The following INTS1 variants were observed in gnomAD, a reference collection of about 807,000 sequenced individuals.
INTS1 encodes integrator complex subunit 1.
INTS1 carries 137 observed loss-of-function variants against 241.6 expected under a neutral mutation model. The ratio of observed to expected loss-of-function variants is 0.57; its 90% CI spans 0.49 to 0.65. The LOEUF (loss-of-function observed/expected upper bound fraction) is 0.65. Among genes scored for constraint, INTS1 ranks in the 30% least tolerant of loss-of-function variants. The pLI is 0.00. For missense variants in INTS1, 3,073 were observed against 3,032.2 expected (o/e 1.01, Z -0.32); for synonymous variants, 1,692 against 1,337.8 (o/e 1.26, Z -5.78).
chr7:1,486,764 TTC>T lies in INTS1; in HGVS notation c.2835_2836del (p.Lys946AlafsTer18). On this transcript the variant is annotated frameshift_variant, in exon 22 of 48. Coordinates refer to ENST00000404767, the MANE Select transcript of INTS1 (RefSeq NM_001080453.3). LOFTEE classifies it high-confidence loss of function. ...CAGGCGGCCCAGCAGCTGCCGCTGC[TTC>T]TGTTGCCTCTGCAGGGAGGAAGGGG... 12 of 1,612,384 alleles carry T rather than the reference TTC, an allele frequency of 7.4e-6. No individual in the cohort carries two copies. The highest frequency in any genetic ancestry group is 9.3e-6 in the Non-Finnish European group (11 of 1,179,728).
rs566842434 is a variant in INTS1 at position 1,476,033 on chromosome 7, A to G, written c.5417T>C (p.Leu1806Pro). ...GRRCRDLLLQLYLQRPELRVP... is the reference protein window; with the variant it reads ...GRRCRDLLLQPYLQRPELRVP... Reference sequence around the variant, plus strand: ...CCGCAGCTCCGGCCGCTGTAGGTAGAGCTGCAGGAGAAGGTCTCGGCAGCG... The same window carrying G: ...CCGCAGCTCCGGCCGCTGTAGGTAGGGCTGCAGGAGAAGGTCTCGGCAGCG... Residue 1806 changes from leucine (L) to proline (P), a missense_variant, in exon 39 of 48, where the codon CTC becomes CCC. Physicochemically the swap from Leu to Pro is moderately conservative, Grantham distance 98. Transcript: ENST00000404767. 2 of 1,545,768 alleles carry G rather than the reference A, an allele frequency of 1.3e-6. No individual in the cohort carries two copies. The highest frequency in any genetic ancestry group is 1.2e-5 in the South Asian group (1 of 84,026).
At position 1,493,068 on chromosome 7, in the gene INTS1, CG is replaced by C. The variant is rs771354686; in HGVS notation, c.2106del (p.Ile702MetfsTer5). ...EVLKVGRTQL[I>X]DAVLNLCTYH... is the part of the protein sequence containing the mutation. ...TAGGTGCACAGATTCAGAACGGCGT[CG>C]ATCAGCTGGGTCCTCCCCACCTTCA... On this transcript the variant is annotated frameshift_variant, in exon 16 of 48. Transcript: ENST00000404767. LOFTEE classifies it high-confidence loss of function. The surrounding 1 kb of genome is among the most constrained non-coding windows in gnomAD (Gnocchi z 5.3). 1 of 1,613,618 alleles carries C rather than the reference CG, an allele frequency of 6.2e-7. No individual in the cohort carries two copies. The highest frequency in any genetic ancestry group is 8.5e-7 in the Non-Finnish European group (1 of 1,179,674).
intron 16 of INTS1, among the ~76,000 whole-genome samples, chr7:1,490,858 A>G (rs7812196): frequency 0.54 from 81,589 of 151,874 alleles, 23,692 homozygotes; most frequent in African/African-American, 0.77. Context: ...CGGACAGAAC[A>G]GACGTGCAGA....
At position 1,482,609 on chromosome 7, in the gene INTS1, G is replaced by A; in HGVS notation, c.3640C>T (p.Leu1214=). The A allele has an allele frequency of 1.2e-6, 2 of 1,612,898 alleles. No homozygotes were observed. Among genetic ancestry groups the A allele is most frequent in the Non-Finnish European group, 1.7e-6 (2 of 1,179,880 alleles). ...CGCAGCTTCAGCCAGTCAGGAAGCA[G>A]CAGCGCCTCCTCCGATGTGTCCACC... The part of the protein sequence containing the change: ...FLVDTSEEAL[L]LPDWLKLRMI... The change falls in exon 27 of 48, where the codon CTG becomes TTG. Residue 1214 remains leucine, a synonymous_variant. Coordinates refer to ENST00000404767, the MANE Select transcript of INTS1 (RefSeq NM_001080453.3).
At chr7:1,488,696 C>A (rs946517068) in intron 18 of INTS1, among the ~76,000 whole-genome samples, 1 of 152,226 alleles carries the variant, frequency 6.6e-6, no homozygotes, top group Non-Finnish European at 1.5e-5. Context: ...CAGCCTCGGG[C>A]GCCCCTTCAC....
intron 35 of INTS1, 45 bp from the exon 36 acceptor site, chr7:1,476,963 G>A (rs759529152): frequency 1.3e-6 from 2 of 1,578,478 alleles, no homozygotes; most frequent in Non-Finnish European, 1.7e-6. Context: ...CTGGGCCAAT[G>A]GCAGGCTCTG....
chr7:1,482,867 G>C, intron 26 of INTS1, 160 bp from the exon 27 acceptor site: 1 of 778,000 alleles, frequency 1.3e-6, no homozygotes, highest in Non-Finnish European at 2.1e-6. Context: ...GCTATGTGCG[G>C]ATGCTTTGCG....
chr7:1,483,277 G>A lies in INTS1; in HGVS notation c.3541+465C>T, dbSNP rs1029104425. On this transcript the variant is annotated intron_variant, in intron 26 of 47. Transcript: ENST00000404767. ...TAAAGGGGAAGGCTGCGGCCGCAGA[G>A]GGCACGGCTGGGTAGGCGCTGGGTT... 9 of 249,524 alleles carry A rather than the reference G, an allele frequency of 3.6e-5. No homozygotes were observed. In the South Asian group the frequency reaches 4.7e-4, roughly 13 times the overall value. The allele number at this position is 249,524 out of a possible 1,614,324, so 15.5% of individuals were successfully genotyped here.
At position 1,502,971 on chromosome 7, in the gene INTS1, A is replaced by G. The variant is rs771681434; in HGVS notation, c.279T>C (p.Ala93=). The change falls in exon 3 of 48, where the codon GCT becomes GCC. Residue 93 remains alanine (A), a synonymous_variant. Transcript: ENST00000404767. ...CTCGTTTTTCTGCCACTGCAGCCTC[A>G]GCCAGGCGCCCCAGGGCACTCAGAG... ...TPPLSALGRL[A]EAAVAEKRAI... 6 of 1,613,748 alleles carry G rather than the reference A, an allele frequency of 3.7e-6. No individual in the cohort carries two copies. The highest frequency in any genetic ancestry group is 5.1e-6 in the Non-Finnish European group (6 of 1,179,862).
rs1276959585 is a variant in INTS1, at chr7:1,495,534, T to A, written c.1731A>T (p.Ser577=). 6.2e-7 allele frequency: 1 copy of A among 1,611,542 alleles called. No individual in the cohort carries two copies. The highest frequency in any genetic ancestry group is 8.5e-7 in the Non-Finnish European group (1 of 1,179,442). Reference sequence around the variant, plus strand: ...GGATGGCGGCAATCTGGTTCTGGAATGAGCGGAGCACTTCCAGGTCTGAAA... The same window carrying A: ...GGATGGCGGCAATCTGGTTCTGGAAAGAGCGGAGCACTTCCAGGTCTGAAA... ...GEKRNLEVLR[S]FQNQIAAIQR... is the part of the protein sequence containing the mutation. Residue 577 remains serine (S), a synonymous_variant, in exon 13 of 48, where the codon TCA becomes TCT. Coordinates refer to ENST00000404767, the MANE Select transcript of INTS1 (RefSeq NM_001080453.3).
Position 1,487,040 on chromosome 7 carries a change from T to A in INTS1, c.2708A>T (p.Asp903Val), listed in dbSNP as rs1419478319. Residue 903 changes from aspartate (D) to valine (V), a missense_variant, in exon 21 of 48, where the codon GAC (aspartate) becomes GTC (valine). Transcript: ENST00000404767. ...DLVQSSEGSLDVLPVQCLCEF... is the reference protein window; with the variant it reads ...DLVQSSEGSLVVLPVQCLCEF... Reference sequence around the variant, plus strand: ...GCACAGACACTGCACGGGCAGCACGTCCAGGGAGCCCTCGCTGGACTGTAC... The same window carrying A: ...GCACAGACACTGCACGGGCAGCACGACCAGGGAGCCCTCGCTGGACTGTAC... The A allele has an allele frequency of 6.3e-7, 1 of 1,585,882 alleles. No homozygotes were observed. The highest frequency in any genetic ancestry group is 2.3e-5 in the East Asian group (1 of 43,676).
rs767615591 is a variant in INTS1, at chr7:1,471,253, GACCA to G, written c.6256-33_6256-30del. 15 of 1,553,200 alleles carry G rather than the reference GACCA, an allele frequency of 9.7e-6. No homozygotes were observed. The East Asian group carries it at 1.5e-4, about 15-fold the overall frequency. ...ACCGGGGGAAAGGTGGGAGGTGTGTGACCAAGGGGTCCAGCCCCCATCAAGGCCC... is the reference window on the plus strand; with the variant it reads ...ACCGGGGGAAAGGTGGGAGGTGTGTGAGGGGTCCAGCCCCCATCAAGGCCC... On this transcript the variant is annotated intron_variant, in intron 45 of 47. Coordinates refer to ENST00000404767, the MANE Select transcript of INTS1 (RefSeq NM_001080453.3).
At chr7:1,490,429 A>G (rs1782493525) in intron 16 of INTS1, among the ~76,000 whole-genome samples, 1 of 152,172 alleles carries the variant, frequency 6.6e-6, no homozygotes, top group Non-Finnish European at 1.5e-5. Context: ...AACCCCTGAA[A>G]GGGTGTTGGC....
At chr7:1,499,805 C>A in intron 5 of INTS1, 79 bp downstream of exon 5, 1 of 1,521,376 alleles carries the variant, frequency 6.6e-7, no homozygotes, top group Non-Finnish European at 8.9e-7. Flanking sequence ...CTGGAGAGAA[C>A]ACACTTCTGC....
intron 6 of INTS1, 30 bp from the exon 7 acceptor site, chr7:1,499,390 C>G (rs752351488): frequency 6.4e-7 from 1 of 1,553,038 alleles, no homozygotes; most frequent in Non-Finnish European, 8.7e-7. Flanking sequence ...CTCCATGCAG[C>G]GCCTCCCACC....
At chr7:1,478,913 C>T (rs1313149882) in intron 31 of INTS1, 28 bp from the exon 32 acceptor site, 2 of 1,580,820 alleles carry the variant, frequency 1.3e-6, no homozygotes, top group African/African-American at 1.3e-5. Flanking sequence ...CACGTGGCTA[C>T]CCTGGCAGAG....
In INTS1 at chr7:1,504,308, C is replaced by A; in HGVS notation, c.-42+15G>T. 1.9e-6 allele frequency: 1 copy of A among 537,792 alleles called. No individual in the cohort carries two copies. The highest frequency in any genetic ancestry group is 3.5e-6 in the Non-Finnish European group (1 of 286,268). The allele number at this position is 537,792 out of a possible 1,614,324, so 33.3% of individuals were successfully genotyped here. A position where few individuals can be genotyped will look rare whatever the true frequency, so the allele number is the denominator to read the frequency against. ...GCCCGGCAATGAGGAAGCGCCCAGG[C>A]CGCGGCTCACTTACCTCTGGCCCAT... On this transcript the variant is annotated intron_variant, in intron 1 of 47. Coordinates refer to ENST00000404767, the MANE Select transcript of INTS1 (RefSeq NM_001080453.3).
At chr7:1,472,133 AG>A (rs1781498482) in intron 44 of INTS1, 139 bp downstream of exon 44, 1 of 667,002 alleles carries the variant, frequency 1.5e-6, no homozygotes. Context: ...CCCCACTGTG[AG>A]GAACAGCCCA....
intron 39 of INTS1, among the ~76,000 whole-genome samples, chr7:1,475,122 G>A (rs898987341): frequency 2.6e-5 from 4 of 152,210 alleles, no homozygotes; most frequent in African/African-American, 9.6e-5. Context: ...AGTGGCTCAC[G>A]CCTGCCATCC....
Sources: allele counts gnomAD v4.1 joint callset (sites outside exome capture counted in the v4.1 genomes callset), GRCh38; gene constraint gnomAD v4.1.1; non-coding constraint Gnocchi (gnomAD v3.1); transcripts MANE v1.5; gene names NCBI Gene and HGNC (gene_info 2026-07-23, HGNC 2026-07-21).